Variants in ZNF385B observed in about 807,000 individuals in gnomAD.
ZNF385B encodes the protein zinc finger protein 385B, also known as zinc finger protein 533.
A neutral mutation model predicts 39.2 loss-of-function variants in ZNF385B; 23 were observed. The observed-to-expected ratio is 0.59, with a 90% CI of 0.42 to 0.83. The LOEUF (loss-of-function observed/expected upper bound fraction) is 0.83, where lower values mean the gene tolerates loss of function less well. ZNF385B is among the 40% of genes least tolerant of loss of function. ZNF385B has a pLI of 0.00. For missense variants in ZNF385B, 552 were observed against 598.9 expected (o/e 0.92, Z 0.82); for synonymous variants, 205 against 222.6 (o/e 0.92, Z 0.70).
intron 6 of ZNF385B, among the ~76,000 whole-genome samples, chr2:179,450,407 AAAAC>A (rs1369703271): frequency 3.3e-5 from 5 of 152,338 alleles, no homozygotes; most frequent in African/African-American, 4.8e-5. Flanking sequence ...AATTTACAAA[AAAAC>A]AAACAACCCC....
chr2:179,493,799 A>G (rs377465407), intron 5 of ZNF385B, among the ~76,000 whole-genome samples: 1,363 of 69,416 alleles, frequency 0.02, 2 homozygotes, highest in South Asian at 0.03. Context: ...GTATACATAT[A>G]TGTATATATA....
intron 6 of ZNF385B, among the ~76,000 whole-genome samples, chr2:179,468,564 G>A (rs577288757): frequency 2.6e-5 from 4 of 152,290 alleles, no homozygotes; most frequent in Admixed American, 2.0e-4. Context: ...ATGAGAAAAG[G>A]TTCTTTTTCT....
intron 1 of ZNF385B, among the ~76,000 whole-genome samples, chr2:179,790,269 T>C (rs1357902983): frequency 2.0e-5 from 3 of 152,240 alleles, no homozygotes; most frequent in Non-Finnish European, 2.9e-5. Context: ...AATGCTCTTA[T>C]GCTTCACCCT....
chr2:179,518,397 ATCC>A, intron 5 of ZNF385B, 128 bp downstream of exon 5: 1 of 657,600 alleles, frequency 1.5e-6, no homozygotes, highest in Non-Finnish European at 2.5e-6. Flanking sequence ...GAAATCTGGC[ATCC>A]TGAAATTAGT....
intron 3 of ZNF385B, among the ~76,000 whole-genome samples, chr2:179,595,671 G>C (rs1487593215): frequency 1.3e-5 from 2 of 150,488 alleles, no homozygotes; most frequent in African/African-American, 4.9e-5. Flanking sequence ...TGTTGCCCAG[G>C]CTGGAGTGAA....
chr2:179,630,416 T>C (rs1691091491), intron 3 of ZNF385B, among the ~76,000 whole-genome samples: 1 of 152,210 alleles, frequency 6.6e-6, no homozygotes, highest in Admixed American at 6.5e-5. Context: ...CCAACAGATC[T>C]GCAGCTGAGG....
intron 3 of ZNF385B, among the ~76,000 whole-genome samples, chr2:179,760,371 G>T (rs895306436): frequency 1.3e-5 from 2 of 151,758 alleles, no homozygotes; most frequent in South Asian, 2.1e-4. Flanking sequence ...CCACTAATTT[G>T]TCCTCTACTT....
chr2:179,715,264 A>G (rs1230132255), intron 3 of ZNF385B, among the ~76,000 whole-genome samples: 1 of 152,162 alleles, frequency 6.6e-6, no homozygotes, highest in Non-Finnish European at 1.5e-5. Context: ...TCCCACCACC[A>G]TAGGTGATGA....
At chr2:179,616,356 CAG>C in intron 3 of ZNF385B, among the ~76,000 whole-genome samples, 1 of 152,248 alleles carries the variant, frequency 6.6e-6, no homozygotes, top group South Asian at 2.1e-4. Flanking sequence ...CTTTTTGAGA[CAG>C]AGTCTTGCTC....
At chr2:179,767,343 C>T (rs918307159) in intron 3 of ZNF385B, among the ~76,000 whole-genome samples, 1 of 152,154 alleles carries the variant, frequency 6.6e-6, no homozygotes, top group African/African-American at 2.4e-5. Flanking sequence ...TTCTATCCTT[C>T]TATGGTTTCC....
At chr2:179,458,792 T>C (rs2050982999) in intron 6 of ZNF385B, among the ~76,000 whole-genome samples, 1 of 152,150 alleles carries the variant, frequency 6.6e-6, no homozygotes, top group Non-Finnish European at 1.5e-5. Flanking sequence ...TCCTAGTTAC[T>C]TCCTCATTAC....
chr2:179,466,915 C>CAAAAAAAAAAAAA lies in ZNF385B; in HGVS notation c.715+16344_715+16356dup, dbSNP rs777679885. Among the ~76,000 whole-genome samples, 4 of 26,930 alleles carry CAAAAAAAAAAAAA rather than the reference C, an allele frequency of 1.5e-4. 1 individual carries two copies. The highest frequency in any genetic ancestry group is 4.6e-4 in the African/African-American group (3 of 6,548). The allele number at this position is 26,930 out of a possible 152,430, so 17.7% of individuals were successfully genotyped here. A position where few individuals can be genotyped will look rare whatever the true frequency, so the allele number is the denominator to read the frequency against. ...CAGCCTGGCAACAGAGCAAGACTGTCAAAAAAAAAAAAAAAAAAAAAAAAA... is the reference window on the plus strand; with the variant it reads ...CAGCCTGGCAACAGAGCAAGACTGTCAAAAAAAAAAAAAAAAAAAAAAAAAAAAAAAAAAAAAA... On this transcript the variant is annotated intron_variant, in intron 6 of 9. Coordinates refer to ENST00000410066, the MANE Select transcript of ZNF385B (RefSeq NM_152520.6).
At chr2:179,530,343 T>C (rs879768402) in intron 4 of ZNF385B, among the ~76,000 whole-genome samples, 2 of 152,178 alleles carry the variant, frequency 1.3e-5, no homozygotes, top group African/African-American at 4.8e-5. Context: ...CTGATACTTA[T>C]AGATGTAGTT....
chr2:179,470,491 C>T (rs1013251424), intron 6 of ZNF385B, among the ~76,000 whole-genome samples: 1 of 151,874 alleles, frequency 6.6e-6, no homozygotes, highest in Admixed American at 6.6e-5. Flanking sequence ...TTGGCCCCCC[C>T]GGGCTATGGT....
chr2:179,494,700 G>A lies in ZNF385B; in HGVS notation c.553-11266C>T, dbSNP rs574433503. 3.3e-5 allele frequency among the ~76,000 whole-genome samples: 5 copies of A among 151,672 alleles called. No individual in the cohort carries two copies. In the South Asian group the frequency reaches 1.0e-3, roughly 32 times the overall value. On this transcript the variant is annotated intron_variant, in intron 5 of 9. Transcript: ENST00000410066. ...AGTTACCTCTTAGATTCAGCAACCA[G>A]TTGTTATCACTTTGTTGTGTATCCT...
chr2:179,626,665 T>C lies in ZNF385B; in HGVS notation c.299-81696A>G, dbSNP rs149735736. Among the ~76,000 whole-genome samples the C allele has an allele frequency of 4.1e-4, 63 of 152,288 alleles. 1 individual carries two copies. In the East Asian group the frequency reaches 0.01, roughly 25 times the overall value. On this transcript the variant is annotated intron_variant, in intron 3 of 9. Coordinates refer to ENST00000410066, the MANE Select transcript of ZNF385B (RefSeq NM_152520.6). ...TGTATATGCATATAATTCAGTAATC[T>C]TGAAAACTGCATTATTAGAGACTAA...
intron 3 of ZNF385B, among the ~76,000 whole-genome samples, chr2:179,561,197 C>G (rs1255625708): frequency 1.3e-5 from 2 of 152,036 alleles, no homozygotes; most frequent in Admixed American, 1.3e-4. Context: ...TATGATCATC[C>G]CCTGTTTTTC....
At chr2:179,574,017 G>T (rs1685529761) in intron 3 of ZNF385B, among the ~76,000 whole-genome samples, 1 of 152,016 alleles carries the variant, frequency 6.6e-6, no homozygotes, top group Admixed American at 6.6e-5. Context: ...GTATCCTTGT[G>T]AACCCAAAGG....
At chr2:179,535,181 G>T (rs55762501) in intron 4 of ZNF385B, among the ~76,000 whole-genome samples, 10,441 of 152,080 alleles carry the variant, frequency 0.069, 484 homozygotes, top group African/African-American at 0.14. Context: ...GAAAAATATC[G>T]GGTATATTTT....
Sources: allele counts gnomAD v4.1 joint callset (sites outside exome capture counted in the v4.1 genomes callset), GRCh38; gene constraint gnomAD v4.1.1; transcripts MANE v1.5; gene names NCBI Gene and HGNC (gene_info 2026-07-23, HGNC 2026-07-21).